Variants in DISP1 observed in about 807,000 individuals in gnomAD.
DISP1 encodes dispatched RND transporter family member 1.
In DISP1, 30 loss-of-function variants were observed where a neutral mutation model predicts 37.3. The observed-to-expected ratio is 0.80, with a 90% CI of 0.60 to 1.09. The LOEUF (loss-of-function observed/expected upper bound fraction) is 1.09, where lower values mean the gene tolerates loss of function less well. DISP1 is among the 50% of genes least tolerant of loss of function. The pLI is 0.00. For synonymous variants in DISP1, 634 were observed against 690.2 expected (o/e 0.92, Z 1.28); for missense variants, 1,598 against 1,879.5 (o/e 0.85, Z 2.77).
intron 3 of DISP1, among the ~76,000 whole-genome samples, chr1:222,958,166 G>T (rs1244593594): frequency 6.6e-6 from 1 of 151,314 alleles, no homozygotes; most frequent in Non-Finnish European, 1.5e-5. Context: ...AGTTGGCCCT[G>T]GGATTTATAA....
chr1:222,952,151 T>G (rs1299672657), intron 3 of DISP1, among the ~76,000 whole-genome samples: 1 of 152,220 alleles, frequency 6.6e-6, no homozygotes, highest in Non-Finnish European at 1.5e-5. Flanking sequence ...CAAGAAGGAA[T>G]AGCTAAACTG....
At chr1:222,949,192 G>C (rs990285768) in intron 3 of DISP1, among the ~76,000 whole-genome samples, 1 of 152,082 alleles carries the variant, frequency 6.6e-6, no homozygotes, top group Non-Finnish European at 1.5e-5. Context: ...TCAGGAGTTC[G>C]AGACCAGCCT....
intron 3 of DISP1, among the ~76,000 whole-genome samples, chr1:222,978,898 G>A (rs1465863321): frequency 3.9e-5 from 6 of 152,190 alleles, no homozygotes; most frequent in Non-Finnish European, 5.9e-5. Flanking sequence ...TTTGGTACCA[G>A]TACCATGCTG....
At chr1:222,937,281 G>A (rs1322245825) in intron 2 of DISP1, among the ~76,000 whole-genome samples, 2 of 151,264 alleles carry the variant, frequency 1.3e-5, no homozygotes, top group African/African-American at 2.4e-5. Flanking sequence ...TAGTAGAGAC[G>A]AGGTTTCACC....
chr1:222,941,770 C>G (rs1674401546), intron 2 of DISP1, among the ~76,000 whole-genome samples: 1 of 152,050 alleles, frequency 6.6e-6, no homozygotes, highest in African/African-American at 2.4e-5. Flanking sequence ...TGGGGAAGGA[C>G]TAGAAAGAGA....
In DISP1 at chr1:222,958,747, A is replaced by G. The variant is rs895379257; in HGVS notation, c.509+15415A>G. On this transcript the variant is annotated intron_variant, in intron 3 of 8. Coordinates refer to ENST00000675850, the MANE Select transcript of DISP1 (RefSeq NM_001377229.1). ...ATTAAGTCTTTAAAATTTAGATTAT[A>G]TTATAGAATATGCTTAACCAGAACA... Among the ~76,000 whole-genome samples, 37 of 152,186 alleles carry G rather than the reference A, an allele frequency of 2.4e-4. 1 individual carries two copies. Among genetic ancestry groups the G allele is most frequent in the Admixed American group, 2.0e-4 (3 of 15,266 alleles).
intron 3 of DISP1, chr1:222,945,799 T>C (rs1431745974): frequency 6.6e-6 from 1 of 152,198 alleles, no homozygotes; most frequent in Non-Finnish European, 1.5e-5. Flanking sequence ...TCTTTGTATG[T>C]TATCTAAAGA....
chr1:222,945,633 T>C (rs1460313299), intron 3 of DISP1: 3 of 130,732 alleles, frequency 2.3e-5, no homozygotes, highest in Non-Finnish European at 5.3e-5. Flanking sequence ...TGAAATAGAA[T>C]GGCATTAAAA....
intron 2 of DISP1, among the ~76,000 whole-genome samples, chr1:222,929,481 T>G (rs1673264261): frequency 6.6e-6 from 1 of 152,266 alleles, no homozygotes; most frequent in East Asian, 1.9e-4. Context: ...AAACATACTT[T>G]ACAATTTGTT....
rs74145586 is a variant in DISP1 at position 222,865,799 on chromosome 1, A to T, written c.-159+50721A>T. On this transcript the variant is annotated intron_variant, in intron 1 of 8. Transcript: ENST00000675850. ...CTGATTTTTATACACACACACACAG[A>T]TACACACACACATACACAGAATAAT... Among the ~76,000 whole-genome samples the T allele has an allele frequency of 6.4e-3, 968 of 152,304 alleles. 13 individuals are homozygous for T. Among genetic ancestry groups the T allele is most frequent in the African/African-American group, 0.022 (931 of 41,566 alleles).
rs754956599 is a variant in DISP1, at chr1:222,992,153, C to T, written c.889+43C>T. On this transcript the variant is annotated intron_variant, in intron 7 of 8. Coordinates refer to ENST00000675850, the MANE Select transcript of DISP1 (RefSeq NM_001377229.1). Reference sequence around the variant, plus strand: ...TGAACAAACCACTCAGCAGTTTGCTCGCATTTAAAATTGAACATGATCACA... The same window carrying T: ...TGAACAAACCACTCAGCAGTTTGCTTGCATTTAAAATTGAACATGATCACA... The T allele has an allele frequency of 2.4e-5, 35 of 1,468,172 alleles. No individual in the cohort carries two copies. In the African/African-American group the frequency reaches 3.8e-4, roughly 16 times the overall value. The allele number at this position is 1,468,172 out of a possible 1,614,324, so 90.9% of individuals were successfully genotyped here.
At chr1:222,924,731 A>G (rs1672985374) in intron 1 of DISP1, among the ~76,000 whole-genome samples, 1 of 151,932 alleles carries the variant, frequency 6.6e-6, no homozygotes, top group African/African-American at 2.4e-5. Flanking sequence ...CTTGTTCATA[A>G]CTGTTTGACA....
intron 1 of DISP1, among the ~76,000 whole-genome samples, chr1:222,882,299 C>T (rs1027382889): frequency 6.6e-5 from 10 of 152,044 alleles, no homozygotes; most frequent in Non-Finnish European, 1.5e-4. Flanking sequence ...CATTTTTTAT[C>T]GTTCAGCCTC....
chr1:222,974,077 A>C (rs1457535070), intron 3 of DISP1, among the ~76,000 whole-genome samples: 1 of 152,234 alleles, frequency 6.6e-6, no homozygotes, highest in Non-Finnish European at 1.5e-5. Context: ...GTAAATCATA[A>C]AAGCGTACAG....
chr1:222,845,169 A>G (rs551125346), intron 1 of DISP1, among the ~76,000 whole-genome samples: 1 of 152,338 alleles, frequency 6.6e-6, no homozygotes, highest in Admixed American at 6.5e-5. Flanking sequence ...GTAGTGCTAA[A>G]GAGTTTTGCA....
chr1:222,891,321 A>G (rs1412359296), intron 1 of DISP1, among the ~76,000 whole-genome samples: 1 of 152,184 alleles, frequency 6.6e-6, no homozygotes, highest in Non-Finnish European at 1.5e-5. Context: ...AATCAAAGAT[A>G]ATTTCCTACC....
At chr1:222,934,069 C>A (rs920700654) in intron 2 of DISP1, among the ~76,000 whole-genome samples, 40 of 151,974 alleles carry the variant, frequency 2.6e-4, no homozygotes, top group African/African-American at 8.7e-4. Context: ...TTAAAACTAT[C>A]TTGGGAAATA....
At chr1:222,837,271 C>T (rs191262738) in intron 1 of DISP1, 12 of 389,258 alleles carry the variant, frequency 3.1e-5, no homozygotes, top group Non-Finnish European at 5.4e-5. Flanking sequence ...ATGAAGACAG[C>T]AGAACTGACT....
At chr1:222,819,538 CT>C (rs762729584) in intron 1 of DISP1, among the ~76,000 whole-genome samples, 16,208 of 117,946 alleles carry the variant, frequency 0.14, 685 homozygotes, top group East Asian at 0.24. Context: ...ACACACATAT[CT>C]TTTTTTTTTT....
Sources: gnomAD v4.1 joint callset for allele counts (sites outside exome capture counted in the v4.1 genomes callset) on GRCh38, gnomAD v4.1.1 for gene constraint, MANE v1.5 for transcripts, NCBI Gene and HGNC (gene_info 2026-07-23, HGNC 2026-07-21) for gene names.